Variants in ARHGAP26 observed in about 807,000 individuals in gnomAD.
ARHGAP26 encodes the protein Rho GTPase activating protein 26.
In ARHGAP26, 38 loss-of-function variants were observed where a neutral mutation model predicts 104.8. The observed-to-expected ratio is 0.36, with a 90% CI of 0.28 to 0.48. The LOEUF (loss-of-function observed/expected upper bound fraction) is 0.48, where lower values mean the gene tolerates loss of function less well. ARHGAP26 is among the 20% of genes least tolerant of loss of function. ARHGAP26 has a pLI of 0.99. For synonymous variants in ARHGAP26, 341 were observed against 340.0 expected (o/e 1.00, Z -0.03); for missense variants, 704 against 947.9 (o/e 0.74, Z 3.38).
intron 14 of ARHGAP26, among the ~76,000 whole-genome samples, chr5:143,042,580 C>T (rs554834559): frequency 1.4e-4 from 21 of 152,206 alleles, no homozygotes; most frequent in South Asian, 2.1e-4. Flanking sequence ...CCATGAATCA[C>T]ATGGACCTAA....
chr5:143,175,097 G>A (rs570691496), intron 20 of ARHGAP26, among the ~76,000 whole-genome samples: 84 of 152,308 alleles, frequency 5.5e-4, no homozygotes, highest in African/African-American at 1.8e-3. Context: ...CCACATAAAA[G>A]GAGCCCAAAT....
At chr5:143,153,174 A>G (rs1378681266) in intron 20 of ARHGAP26, among the ~76,000 whole-genome samples, 1 of 152,188 alleles carries the variant, frequency 6.6e-6, no homozygotes, top group Non-Finnish European at 1.5e-5. Context: ...TGTAACTGAG[A>G]TTCTAAGAAA....
rs541239365 is a variant in ARHGAP26, at chr5:143,088,956, A to G, written c.1538+31209A>G. On this transcript the variant is annotated intron_variant, in intron 17 of 22. Transcript: ENST00000645722. The stretch of plus-strand genomic sequence containing the variant: ...GGAATGAGTCAGGGTGGAGCAGGTA[A>G]TTGGAATGAGTTAGGGTGGAGTAGG... 3.9e-5 allele frequency among the ~76,000 whole-genome samples: 6 copies of G among 152,248 alleles called. No individual in the cohort carries two copies. The East Asian group carries it at 9.6e-4, about 24-fold the overall frequency.
chr5:142,827,317 C>T (rs771294264), intron 1 of ARHGAP26, among the ~76,000 whole-genome samples: 12 of 152,150 alleles, frequency 7.9e-5, no homozygotes, highest in Non-Finnish European at 1.3e-4. Flanking sequence ...AGAGCTTGGG[C>T]GCAGGAGTCT....
chr5:143,119,969 A>G (rs973194540), intron 17 of ARHGAP26, among the ~76,000 whole-genome samples: 16 of 152,210 alleles, frequency 1.1e-4, no homozygotes, highest in African/African-American at 2.9e-4. Flanking sequence ...AAAATACTCC[A>G]TATAAATAGC....
At position 143,226,759 on chromosome 5, in the gene ARHGAP26, C is replaced by T; in HGVS notation, c.*4313C>T. ...CACACTGTCTTTTTGAATATCAGTT[C>T]ATTTCCTCTCACCGAGTGCTTTTCG... On this transcript the variant is annotated 3_prime_UTR_variant, in exon 23 of 23. Coordinates refer to ENST00000645722, the MANE Select transcript of ARHGAP26 (RefSeq NM_001135608.3). 4.6e-6 allele frequency: 1 copy of T among 219,312 alleles called. No homozygotes were observed. The highest frequency in any genetic ancestry group is 9.1e-6 in the Non-Finnish European group (1 of 109,302). The allele number at this position is 219,312 out of a possible 1,614,324, so 13.6% of individuals were successfully genotyped here. A position where few individuals can be genotyped will look rare whatever the true frequency, so the allele number is the denominator to read the frequency against.
chr5:143,062,870 G>C (rs578206123), intron 17 of ARHGAP26, among the ~76,000 whole-genome samples: 1 of 152,178 alleles, frequency 6.6e-6, no homozygotes, highest in African/African-American at 2.4e-5. Context: ...TGTTAAACAT[G>C]AGAAGTGCTA....
rs1554195776 is a variant in ARHGAP26 at position 143,012,578 on chromosome 5, A to ATATATATATGG, written c.1108-1501_1108-1500insATATATATGGT. On this transcript the variant is annotated intron_variant, in intron 11 of 22. Transcript: ENST00000645722. ...ATATATATATATATATATATATATT[A>ATATATATATGG]TGATCAGGTTCACCTTATGCCTTTC... Among the ~76,000 whole-genome samples the ATATATATATGG allele has an allele frequency of 1.1e-3, 18 of 16,338 alleles. 2 individuals carry two copies. The highest frequency in any genetic ancestry group is 2.5e-3 in the African/African-American group (17 of 6,934). 10.7% of individuals were successfully genotyped at this position (16,338 alleles called of 152,430 possible). A position where few individuals can be genotyped will look rare whatever the true frequency, so the allele number is the denominator to read the frequency against.
At chr5:143,147,597 T>C (rs1799319894) in intron 20 of ARHGAP26, 1 of 526,684 alleles carries the variant, frequency 1.9e-6, no homozygotes, top group Non-Finnish European at 3.3e-6. Context: ...TTCTTAGCCT[T>C]GGTGATTTTT....
At chr5:143,127,130 A>G (rs1377674086) in intron 18 of ARHGAP26, among the ~76,000 whole-genome samples, 1 of 152,222 alleles carries the variant, frequency 6.6e-6, no homozygotes, top group African/African-American at 2.4e-5. Context: ...AAGAAGGACA[A>G]CCATATCAAG....
chr5:143,033,854 T>A (rs1053958157), intron 12 of ARHGAP26, among the ~76,000 whole-genome samples: 1 of 152,198 alleles, frequency 6.6e-6, no homozygotes, highest in African/African-American at 2.4e-5. Context: ...ACTAAAAGGC[T>A]TCACCTGACT....
At chr5:142,990,774 A>G (rs1775473854) in intron 11 of ARHGAP26, among the ~76,000 whole-genome samples, 2 of 152,198 alleles carry the variant, frequency 1.3e-5, no homozygotes, top group Non-Finnish European at 2.9e-5. Context: ...GCTGCAGAAC[A>G]GCAAATATTG....
intron 11 of ARHGAP26, among the ~76,000 whole-genome samples, chr5:143,012,575 A>ACG (rs1779024845): frequency 2.0e-5 from 2 of 97,924 alleles, no homozygotes; most frequent in Non-Finnish European, 4.7e-5. Flanking sequence ...ATATATATAT[A>ACG]TTATGATCAG....
chr5:142,797,427 T>C (rs1761207697), intron 1 of ARHGAP26, among the ~76,000 whole-genome samples: 1 of 152,216 alleles, frequency 6.6e-6, no homozygotes, highest in Non-Finnish European at 1.5e-5. Context: ...TGAGAAGCTG[T>C]CCCTCAAAGG....
intron 12 of ARHGAP26, among the ~76,000 whole-genome samples, chr5:143,019,402 G>A (rs1038168604): frequency 6.6e-6 from 1 of 151,904 alleles, no homozygotes; most frequent in Non-Finnish European, 1.5e-5. Context: ...CATCTCACCC[G>A]CTGCAGCCCC....
intron 11 of ARHGAP26, among the ~76,000 whole-genome samples, chr5:143,013,433 G>T (rs1018648024): frequency 6.6e-6 from 1 of 152,066 alleles, no homozygotes; most frequent in African/African-American, 2.4e-5. Flanking sequence ...CTTTATTGGG[G>T]TACTTTCCCT....
chr5:142,875,541 G>C (rs1367959878), intron 3 of ARHGAP26, among the ~76,000 whole-genome samples: 1 of 152,038 alleles, frequency 6.6e-6, no homozygotes, highest in Non-Finnish European at 1.5e-5. Context: ...TATTGAACCT[G>C]ATCAAGAGCT....
chr5:143,137,696 T>C (rs1366455122), intron 19 of ARHGAP26, among the ~76,000 whole-genome samples: 1 of 152,280 alleles, frequency 6.6e-6, no homozygotes, highest in East Asian at 1.9e-4. Flanking sequence ...AGTTAATGTT[T>C]ATTTGGCATT....
At chr5:142,843,191 A>G (rs1771157270) in intron 1 of ARHGAP26, among the ~76,000 whole-genome samples, 1 of 152,096 alleles carries the variant, frequency 6.6e-6, no homozygotes, top group African/African-American at 2.4e-5. Context: ...ACCTCAGATG[A>G]TGTTGGATAG....
Sources: gnomAD v4.1 joint callset for allele counts (sites outside exome capture counted in the v4.1 genomes callset) on GRCh38, gnomAD v4.1.1 for gene constraint, MANE v1.5 for transcripts, NCBI Gene and HGNC (gene_info 2026-07-23, HGNC 2026-07-21) for gene names.